AK9: variants seen among roughly 807,000 people sequenced by gnomAD.
AK9 encodes adenylate kinase domain containing 1.
In AK9, 191 loss-of-function variants were observed where a neutral mutation model predicts 239.6. The ratio of observed to expected loss-of-function variants is 0.80; its 90% CI spans 0.71 to 0.90. The LOEUF (loss-of-function observed/expected upper bound fraction) is 0.90. AK9 is among the 40% of genes least tolerant of loss of function. AK9 has a pLI of 0.00. For missense variants in AK9, 1,995 were observed against 2,214.7 expected, an observed-to-expected ratio of 0.90 and a Z score of 1.99; for synonymous variants, 689 against 721.0, an observed-to-expected ratio of 0.96 and a Z score of 0.71.
At chr6:109,619,326 A>G (rs1192609054) in intron 12 of AK9, 90 bp from the exon 13 acceptor site, 1 of 1,298,314 alleles carries the variant, frequency 7.7e-7, no homozygotes, top group Non-Finnish European at 1.0e-6. Flanking sequence ...ATCTATCTAT[A>G]TTTCTATCTC....
intron 39 of AK9, among the ~76,000 whole-genome samples, 178 bp from the exon 40 acceptor site, chr6:109,494,273 C>A (rs942648993): frequency 6.6e-6 from 1 of 152,174 alleles, no homozygotes; most frequent in African/African-American, 2.4e-5. Flanking sequence ...ATACAAAATA[C>A]ATTTGATTAG....
intron 17 of AK9, among the ~76,000 whole-genome samples, chr6:109,598,028 TC>T (rs1791298903): frequency 6.6e-6 from 1 of 152,102 alleles, no homozygotes; most frequent in Non-Finnish European, 1.5e-5. Context: ...ATAAATACTT[TC>T]CCCAGCTTGT....
chr6:109,593,655 A>G (rs145556740), intron 17 of AK9, among the ~76,000 whole-genome samples: 3,865 of 152,144 alleles, frequency 0.025, 90 homozygotes, highest in East Asian at 0.11. Flanking sequence ...ACATCAAAAA[A>G]CTTATCCACC....
chr6:109,533,118 T>C, intron 28 of AK9, 133 bp downstream of exon 28: 1 of 667,450 alleles, frequency 1.5e-6, no homozygotes, highest in South Asian at 3.3e-5. Flanking sequence ...GTCTTAATAT[T>C]CGATGAAAAA....
Position 109,529,078 on chromosome 6 carries a change from TAAAGAA to T in AK9, c.3571-11_3571-6del. ...TCTTTTAGCAATCGTATCAACCTGTTAAAGAAAGAGACATTAAAAAATTGTAATGGA... is the reference window on the plus strand; with the variant it reads ...TCTTTTAGCAATCGTATCAACCTGTTAGAGACATTAAAAAATTGTAATGGA... On this transcript the variant is annotated splice_region_variant and splice_polypyrimidine_tract_variant and intron_variant, in intron 28 of 40. Transcript: ENST00000424296. The T allele has an allele frequency of 3.2e-6, 5 of 1,559,102 alleles. No homozygotes were observed. The highest frequency in any genetic ancestry group is 4.3e-6 in the Non-Finnish European group (5 of 1,161,030).
chr6:109,642,687 A>AT (rs1393450860), intron 9 of AK9, among the ~76,000 whole-genome samples: 1 of 151,940 alleles, frequency 6.6e-6, no homozygotes, highest in Non-Finnish European at 1.5e-5. Flanking sequence ...GGTGAATGGG[A>AT]TGTGGGATGT....
At chr6:109,581,459 A>C in intron 19 of AK9, among the ~76,000 whole-genome samples, 1 of 152,180 alleles carries the variant, frequency 6.6e-6, no homozygotes, top group Non-Finnish European at 1.5e-5. Flanking sequence ...CAGCCTTACT[A>C]TTGATATGGA....
At chr6:109,592,180 C>G (rs1790338630) in intron 17 of AK9, among the ~76,000 whole-genome samples, 1 of 151,722 alleles carries the variant, frequency 6.6e-6, no homozygotes, top group South Asian at 2.1e-4. Context: ...AATGGAAATA[C>G]CACTACTAAA....
intron 13 of AK9, among the ~76,000 whole-genome samples, 189 bp from the exon 14 acceptor site, chr6:109,614,669 T>G (rs1195575153): frequency 6.6e-6 from 1 of 152,182 alleles, no homozygotes; most frequent in Non-Finnish European, 1.5e-5. Flanking sequence ...AAAATGAGGA[T>G]CTTTAAACTG....
chr6:109,494,485 A>T (rs1202675458), intron 39 of AK9: 1 of 158,908 alleles, frequency 6.3e-6, no homozygotes, highest in Non-Finnish European at 1.4e-5. Flanking sequence ...ACTGCCTCCC[A>T]CTCTGAGGAC....
At chr6:109,649,277 A>G (rs1798557476) in intron 8 of AK9, among the ~76,000 whole-genome samples, 1 of 151,882 alleles carries the variant, frequency 6.6e-6, no homozygotes, top group Non-Finnish European at 1.5e-5. Context: ...AAGGGTATTC[A>G]ATTAGGAAAA....
intron 8 of AK9, among the ~76,000 whole-genome samples, chr6:109,648,681 A>T (rs561924048): frequency 5.0e-4 from 76 of 152,364 alleles, no homozygotes; most frequent in Non-Finnish European, 8.7e-4. Flanking sequence ...AGCTGGTACC[A>T]TTCCTTCTGA....
At chr6:109,599,884 A>T in intron 17 of AK9, among the ~76,000 whole-genome samples, 1 of 152,206 alleles carries the variant, frequency 6.6e-6, no homozygotes, top group East Asian at 1.9e-4. Flanking sequence ...TTTGTCTGTT[A>T]TTGGTGTATA....
rs2128163210 is a variant in AK9 at position 109,550,124 on chromosome 6, G to C, written c.2930C>G (p.Pro977Arg). 1.9e-6 allele frequency: 3 copies of C among 1,613,868 alleles called. No individual in the cohort carries two copies. The East Asian group carries it at 6.7e-5, about 36-fold the overall frequency. ...TTCTTCATGAGCCACATAATCCTCA[G>C]GATGCTCCAAAAACTTTTCTTTAGC... ...AEAKEKFLEH[P>R]EDYVAHEEPL... The change falls in exon 25 of 41, where the codon CCT (proline) becomes CGT (arginine). Residue 977 changes from proline (P) to arginine (R), a missense_variant. This residue lies in a region of AK9 where 1,290 missense variants were observed against 1,392.7 expected (regional missense o/e 0.93). Transcript: ENST00000424296.
chr6:109,585,195 T>C lies in AK9; in HGVS notation c.2042A>G (p.Glu681Gly). 1 of 1,016,478 alleles carries C rather than the reference T, an allele frequency of 9.8e-7. No individual in the cohort carries two copies. The allele number at this position is 1,016,478 out of a possible 1,614,324, so 63.0% of individuals were successfully genotyped here. The change falls in exon 19 of 41, where the codon GAA (glutamate) becomes GGA (glycine). Residue 681 changes from glutamate (E) to glycine (G), a missense_variant. Coordinates refer to ENST00000424296, the MANE Select transcript of AK9 (RefSeq NM_001145128.3). ...FNRIYLQKKS[E>G]IDSKILERLL... ...TCTTTCTAAAATCTTAGAGTCAATT[T>C]CAGATTTCTTCTGTAAATATATTCT... is the stretch of plus-strand genomic sequence containing the variant.
intron 10 of AK9, among the ~76,000 whole-genome samples, chr6:109,633,854 T>C (rs1282263723): frequency 6.6e-6 from 1 of 152,202 alleles, no homozygotes; most frequent in Non-Finnish European, 1.5e-5. Context: ...GTTGGTGACC[T>C]CCAGATAAGT....
Position 109,677,095 on chromosome 6 carries a change from A to G in AK9, c.-11-1339T>C, listed in dbSNP as rs557591761. Among the ~76,000 whole-genome samples, 7 of 152,226 alleles carry G rather than the reference A, an allele frequency of 4.6e-5. 1 individual carries two copies. Among genetic ancestry groups the G allele is most frequent in the African/African-American group, 1.7e-4 (7 of 41,560 alleles). ...CTGATACTAAGGCCTACTTGAGGGT[A>G]GAGGGTAGGATGAGGAAGAGGATAC... On this transcript the variant is annotated intron_variant, in intron 1 of 40. Transcript: ENST00000424296.
intron 17 of AK9, among the ~76,000 whole-genome samples, chr6:109,604,717 G>A (rs1309729632): frequency 6.6e-6 from 1 of 152,276 alleles, no homozygotes; most frequent in East Asian, 1.9e-4. Context: ...AAACTTTAGA[G>A]TGATGCTGTC....
intron 29 of AK9, chr6:109,528,789 A>G: frequency 1.5e-6 from 1 of 685,868 alleles, no homozygotes; most frequent in African/African-American, 1.7e-5. Context: ...AGGTTACAAG[A>G]GGGTCAGCCT....
Sources: gnomAD v4.1 joint callset for allele counts (sites outside exome capture counted in the v4.1 genomes callset) on GRCh38, gnomAD v4.1.1 for gene constraint, gnomAD v4.1.1 regional missense constraint, MANE v1.5 for transcripts, NCBI Gene and HGNC (gene_info 2026-07-23, HGNC 2026-07-21) for gene names.